The following TRIM14 variants were observed in gnomAD, a reference collection of about 807,000 sequenced individuals.
TRIM14 encodes tripartite motif-containing protein 14.
TRIM14 carries 28 observed loss-of-function variants against 44.5 expected under a neutral mutation model. The observed-to-expected ratio is 0.63, with a 90% CI of 0.47 to 0.86. TRIM14 has a LOEUF of 0.86. TRIM14 is among the 40% of genes least tolerant of loss of function. The pLI is 0.00. For missense variants in TRIM14, 607 were observed against 611.1 expected, an observed-to-expected ratio of 0.99 and a Z score of 0.07; for synonymous variants, 299 against 269.2, an observed-to-expected ratio of 1.11 and a Z score of -1.08.
At chr9:98,043,514 A>G in the TRIM14 span, among the ~76,000 whole-genome samples, 1 of 152,302 alleles carries the variant, frequency 6.6e-6, no homozygotes, top group South Asian at 2.1e-4. Context: ...ATCAGATAGC[A>G]AAATTTACAT....
downstream of TRIM14, chr9:98,083,006 C>CCAT (rs1829956880): frequency 6.2e-7 from 1 of 1,613,980 alleles, no homozygotes; most frequent in African/African-American, 1.3e-5. Flanking sequence ...GAGGATGACA[C>CCAT]CATCATGGAA....
chr9:98,042,497 A>G, the TRIM14 span, among the ~76,000 whole-genome samples: 2 of 152,170 alleles, frequency 1.3e-5, no homozygotes, highest in Non-Finnish European at 2.9e-5. Context: ...TGATCAATAA[A>G]TGCAAACAAA....
At chr9:98,090,874 T>C (rs768247952) in intron 5 of TRIM14, among the ~76,000 whole-genome samples, 1 of 152,198 alleles carries the variant, frequency 6.6e-6, no homozygotes, top group Non-Finnish European at 1.5e-5. Context: ...TTTAAATCAG[T>C]ATGTTAGCCT....
Position 98,095,697 on chromosome 9 carries a change from G to T in TRIM14, c.538-668C>A, listed in dbSNP as rs927659296. Among the ~76,000 whole-genome samples the T allele has an allele frequency of 3.3e-5, 5 of 152,200 alleles. No individual in the cohort carries two copies. Among genetic ancestry groups the T allele is most frequent in the Admixed American group, 1.3e-4 (2 of 15,280 alleles). ...CTTTGCACCTGTGCTGCAGGAGTGT[G>T]ACCAGACGCCTCCAAGCCAAAGCGT... On this transcript the variant is annotated intron_variant, in intron 3 of 5. Coordinates refer to ENST00000341469, the MANE Select transcript of TRIM14 (RefSeq NM_014788.4). This position sits in a 1 kb window ranked among gnomAD's most constrained non-coding sequence, Gnocchi z 4.1.
intron 6 of TRIM14, chr9:98,078,184 A>T: frequency 1.2e-6 from 2 of 1,614,128 alleles, no homozygotes; most frequent in African/African-American, 2.7e-5. Flanking sequence ...TTGGTGCTGG[A>T]TTACTCAGGT....
intron 4 of TRIM14, among the ~76,000 whole-genome samples, chr9:98,094,168 T>C (rs777361240): frequency 2.0e-5 from 3 of 152,260 alleles, no homozygotes; most frequent in Non-Finnish European, 2.9e-5. Context: ...TGCCCTGCTA[T>C]GCCTGGCATA....
downstream of TRIM14, among the ~76,000 whole-genome samples, chr9:98,067,829 C>T (rs1447968923): frequency 7.5e-6 from 1 of 133,700 alleles, no homozygotes; most frequent in Non-Finnish European, 1.5e-5. Context: ...TCAAGCAATC[C>T]TCCCACCTCA....
the TRIM14 span, chr9:98,061,198 C>G: frequency 3.5e-6 from 2 of 578,952 alleles, no homozygotes; most frequent in Non-Finnish European, 6.1e-6. Flanking sequence ...TGTCTCTGGC[C>G]GGGCTTGATG....
chr9:98,115,548 C>T lies in TRIM14; in HGVS notation c.207+3434G>A, dbSNP rs142429241. ...CAGGCGTGAGCCACTGAGCCCAGCA[C>T]AATTTTTGTATTTTTAGTAAAGATG... On this transcript the variant is annotated intron_variant, in intron 1 of 5. Transcript: ENST00000341469. Among the ~76,000 whole-genome samples, 933 of 151,928 alleles carry T rather than the reference C, an allele frequency of 6.1e-3. 5 individuals are homozygous for T. The highest frequency in any genetic ancestry group is 9.7e-3 in the Non-Finnish European group (658 of 67,938).
chr9:98,071,823 C>T (rs544255983), intron 6 of TRIM14, among the ~76,000 whole-genome samples: 2 of 152,302 alleles, frequency 1.3e-5, no homozygotes, highest in East Asian at 1.9e-4. Flanking sequence ...TTTCTGCTTC[C>T]GTCCACGTTT....
the TRIM14 span, chr9:98,061,301 A>AC: frequency 9.7e-6 from 3 of 309,480 alleles, no homozygotes; most frequent in East Asian, 1.3e-4. Flanking sequence ...ACATGGTGAA[A>AC]CCCCATCTCT....
At chr9:98,068,336 C>T (rs796382008), downstream of TRIM14, among the ~76,000 whole-genome samples, 9 of 152,124 alleles carry the variant, frequency 5.9e-5, no homozygotes, top group African/African-American at 1.9e-4. Flanking sequence ...GATGGAGTTT[C>T]ACCTTGTTGG....
chr9:98,049,400 G>T, the TRIM14 span, among the ~76,000 whole-genome samples: 72 of 150,020 alleles, frequency 4.8e-4, no homozygotes, highest in Non-Finnish European at 9.3e-4. Flanking sequence ...CACCCCCAAG[G>T]GCTGCTGGCT....
rs1825774544 is a variant in TRIM14 at position 98,086,328 on chromosome 9, G to T, written c.*1142C>A. 1 of 152,232 alleles carries T rather than the reference G, an allele frequency of 6.6e-6. No individual in the cohort carries two copies. Among genetic ancestry groups the T allele is most frequent in the African/African-American group, 2.4e-5 (1 of 41,426 alleles). 9.4% of individuals were successfully genotyped at this position (152,232 alleles called of 1,614,324 possible). A position where few individuals can be genotyped will look rare whatever the true frequency, so the allele number is the denominator to read the frequency against. On this transcript the variant is annotated 3_prime_UTR_variant, in exon 6 of 6. Transcript: ENST00000341469. The stretch of plus-strand genomic sequence containing the variant: ...GTCTGGCCCCCCTATATCACCCCGG[G>T]GTAACTTTACGCAGCTCTGCTTTCT...
downstream of TRIM14, chr9:98,083,151 C>A: frequency 1.6e-6 from 2 of 1,222,324 alleles, no homozygotes; most frequent in South Asian, 1.4e-5. Context: ...CTCCAGGGAC[C>A]TGGCTGTCAT....
At chr9:98,080,617 T>C (rs563898083), downstream of TRIM14, among the ~76,000 whole-genome samples, 1 of 152,344 alleles carries the variant, frequency 6.6e-6, no homozygotes, top group Non-Finnish European at 1.5e-5. Flanking sequence ...TGCTGAGTGC[T>C]TCTCATGCAT....
rs375572971 is a variant in TRIM14 at position 98,078,434 on chromosome 9, T to A, written c.*29-8747A>T. ...TTTATAACCAAAATTCTAACAAACATGGCATACTTTATAATTTGAACATCC... is the reference window on the plus strand; with the variant it reads ...TTTATAACCAAAATTCTAACAAACAAGGCATACTTTATAATTTGAACATCC... On this transcript the variant is annotated intron_variant, in intron 6 of 6. Coordinates refer to the TRIM14 transcript ENST00000375098. 16 of 1,455,802 alleles carry A rather than the reference T, an allele frequency of 1.1e-5. No individual in the cohort carries two copies. The African/African-American group carries it at 2.0e-4, about 18-fold the overall frequency. The allele number at this position is 1,455,802 out of a possible 1,614,324, so 90.2% of individuals were successfully genotyped here. A position where few individuals can be genotyped will look rare whatever the true frequency, so the allele number is the denominator to read the frequency against.
Position 98,119,154 on chromosome 9 carries a change from C to T in TRIM14, c.35G>A (p.Gly12Glu). 1.3e-6 allele frequency: 2 copies of T among 1,582,910 alleles called. No individual in the cohort carries two copies. The highest frequency in any genetic ancestry group is 1.7e-6 in the Non-Finnish European group (2 of 1,174,176). Residue 12 changes from glycine (G) to glutamate (E), a missense_variant, in exon 1 of 6, where the codon GGG becomes GAG. This residue lies in a region of TRIM14 where 246 missense variants were observed against 270.8 expected (regional missense o/e 0.91). Coordinates refer to ENST00000341469, the MANE Select transcript of TRIM14 (RefSeq NM_014788.4). The part of the protein sequence containing the change: ...AGAATGSRTP[G>E]RSELVEGCGW... ...GCATCCCTCGACAAGCTCCGACCTCCCAGGGGTCCGGCTCCCGGTCGCCGC... is the reference window on the plus strand; with the variant it reads ...GCATCCCTCGACAAGCTCCGACCTCTCAGGGGTCCGGCTCCCGGTCGCCGC...
intron 5 of TRIM14, 45 bp from the exon 6 acceptor site, chr9:98,088,050 C>A (rs112440826): frequency 3.6e-6 from 5 of 1,403,388 alleles, no homozygotes; most frequent in Non-Finnish European, 4.6e-6. Flanking sequence ...GCGGGGCCAG[C>A]GCGGCGCCCC....
Sources: gnomAD v4.1 joint callset for allele counts (sites outside exome capture counted in the v4.1 genomes callset) on GRCh38, gnomAD v4.1.1 for gene constraint, gnomAD v4.1.1 regional missense constraint, Gnocchi (gnomAD v3.1) non-coding constraint, MANE v1.5 for transcripts, NCBI Gene and HGNC (gene_info 2026-07-23, HGNC 2026-07-21) for gene names.